ARPP21: variants seen among roughly 807,000 people sequenced by gnomAD.
ARPP21 encodes cAMP-regulated phosphoprotein 21.
A neutral mutation model predicts 113.2 loss-of-function variants in ARPP21; 69 were observed. The ratio of observed to expected loss-of-function variants is 0.61; its 90% CI spans 0.50 to 0.74. The LOEUF (loss-of-function observed/expected upper bound fraction) is 0.74, where lower values mean the gene tolerates loss of function less well. Among genes scored for constraint, ARPP21 ranks in the 30% least tolerant of loss-of-function variants. The pLI is 0.00. For missense variants in ARPP21, 1,070 were observed against 1,037.4 expected, an observed-to-expected ratio of 1.03 and a Z score of -0.43; for synonymous variants, 368 against 375.5, an observed-to-expected ratio of 0.98 and a Z score of 0.23.
intron 19 of ARPP21, among the ~76,000 whole-genome samples, chr3:35,744,830 A>G (rs2094918372): frequency 6.6e-6 from 1 of 152,240 alleles, no homozygotes; most frequent in African/African-American, 2.4e-5. Flanking sequence ...ATGTATACAG[A>G]TACATGTATG....
At chr3:35,655,847 A>G (rs1375376804) in intron 1 of ARPP21, among the ~76,000 whole-genome samples, 1 of 152,046 alleles carries the variant, frequency 6.6e-6, no homozygotes, top group Non-Finnish European at 1.5e-5. Flanking sequence ...TTATTGAAAT[A>G]CAGAATTTTT....
At chr3:35,687,948 C>G in intron 6 of ARPP21, 65 bp downstream of exon 6, 2 of 1,447,590 alleles carry the variant, frequency 1.4e-6, no homozygotes, top group Non-Finnish European at 1.9e-6. Context: ...AGAACACATT[C>G]TAGATTTCAC....
At chr3:35,664,938 CCTG>C (rs1190538340) in intron 1 of ARPP21, among the ~76,000 whole-genome samples, 9 of 152,242 alleles carry the variant, frequency 5.9e-5, no homozygotes, top group African/African-American at 2.2e-4. Flanking sequence ...ACTTAGCCCA[CCTG>C]CTATTTTGTG....
intron 1 of ARPP21, among the ~76,000 whole-genome samples, chr3:35,665,421 G>A (rs1559541937): frequency 6.6e-6 from 1 of 152,094 alleles, no homozygotes; most frequent in Non-Finnish European, 1.5e-5. Context: ...GGAAAGTTCT[G>A]AGCAAAGTGC....
At chr3:35,649,626 G>C (rs1448675154) in intron 1 of ARPP21, among the ~76,000 whole-genome samples, 1 of 152,128 alleles carries the variant, frequency 6.6e-6, no homozygotes, top group Non-Finnish European at 1.5e-5. Flanking sequence ...CTCCTCCAAA[G>C]AACTAAGCAA....
intron 1 of ARPP21, among the ~76,000 whole-genome samples, chr3:35,677,572 C>T (rs1260130894): frequency 6.6e-6 from 1 of 151,814 alleles, no homozygotes; most frequent in Non-Finnish European, 1.5e-5. Context: ...ACAACCTTCT[C>T]TAAATGCTAC....
intron 1 of ARPP21, among the ~76,000 whole-genome samples, chr3:35,663,716 G>T (rs968573089): frequency 2.0e-5 from 3 of 152,076 alleles, no homozygotes; most frequent in Non-Finnish European, 4.4e-5. Context: ...ACGGTTCTGG[G>T]AAGTGGCACG....
At chr3:35,707,153 C>G (rs1576102797) in intron 10 of ARPP21, 71 bp downstream of exon 10, 1 of 1,191,392 alleles carries the variant, frequency 8.4e-7, no homozygotes, top group East Asian at 2.4e-5. Context: ...TTCATGTCGT[C>G]CCTCTGTTGT....
intron 10 of ARPP21, 143 bp downstream of exon 10, chr3:35,707,225 C>T: frequency 1.5e-6 from 1 of 662,336 alleles, no homozygotes; most frequent in South Asian, 1.8e-5. Flanking sequence ...CAACCTCCTT[C>T]TCCTCCTTCC....
At chr3:35,666,066 A>C (rs2074291637) in intron 1 of ARPP21, among the ~76,000 whole-genome samples, 1 of 152,098 alleles carries the variant, frequency 6.6e-6, no homozygotes, top group Admixed American at 6.6e-5. Context: ...GAGCTGATTA[A>C]AAGTGGCAAA....
At chr3:35,709,103 G>A (rs369899956) in intron 11 of ARPP21, 33 bp downstream of exon 11, 36 of 1,453,224 alleles carry the variant, frequency 2.5e-5, no homozygotes, top group African/African-American at 1.8e-4. Context: ...TCTTTAGTGC[G>A]CTCCTTCCAA....
At chr3:35,744,088 A>G in intron 19 of ARPP21, 123 bp downstream of exon 19, 1 of 1,021,030 alleles carries the variant, frequency 9.8e-7, no homozygotes, top group South Asian at 1.5e-5. Flanking sequence ...TACCCAGAGA[A>G]GATAACAAAG....
chr3:35,717,468 G>A, intron 13 of ARPP21, 111 bp downstream of exon 13: 3 of 706,098 alleles, frequency 4.2e-6, no homozygotes, highest in Non-Finnish European at 7.5e-6. Flanking sequence ...AAAAAAGTCT[G>A]GTTATCTCTT....
At chr3:35,689,618 C>T (rs925469686) in intron 7 of ARPP21, among the ~76,000 whole-genome samples, 1 of 151,444 alleles carries the variant, frequency 6.6e-6, no homozygotes, top group African/African-American at 2.4e-5. Context: ...AACAGTTCTG[C>T]TTTTCAGATC....
At chr3:35,665,284 A>AAGCTTTT (rs2074043592) in intron 1 of ARPP21, among the ~76,000 whole-genome samples, 1 of 152,042 alleles carries the variant, frequency 6.6e-6, no homozygotes, top group Admixed American at 6.6e-5. Flanking sequence ...CCCTTGGCCT[A>AAGCTTTT]AGCTTTTTTT....
Position 35,676,642 on chromosome 3 carries a change from T to C in ARPP21, c.-212-3145T>C, listed in dbSNP as rs1575698462. On this transcript the variant is annotated intron_variant, in intron 1 of 20. Transcript: ENST00000684406. ...TCTTATACACTATTGAACGATTGCA[T>C]TTTGGGTGTGTAATTAATGTGAAAA... 2.6e-5 allele frequency among the ~76,000 whole-genome samples: 4 copies of C among 151,868 alleles called. No homozygotes were observed. The South Asian group carries it at 8.3e-4, about 31-fold the overall frequency.
chr3:35,645,959 C>G (rs552514356), intron 1 of ARPP21, among the ~76,000 whole-genome samples: 1 of 152,026 alleles, frequency 6.6e-6, no homozygotes, highest in East Asian at 1.9e-4. Context: ...CTTTAAAGAA[C>G]AAAATTGAAC....
intron 1 of ARPP21, among the ~76,000 whole-genome samples, chr3:35,673,591 T>C (rs947901188): frequency 2.6e-5 from 4 of 152,014 alleles, no homozygotes; most frequent in African/African-American, 9.7e-5. Flanking sequence ...AATGGAAACA[T>C]CTTATTTTCC....
At chr3:35,756,817 G>T (rs1248297164) in intron 19 of ARPP21, among the ~76,000 whole-genome samples, 2 of 152,140 alleles carry the variant, frequency 1.3e-5, no homozygotes, top group African/African-American at 4.8e-5. Flanking sequence ...AGAAGGTCCA[G>T]ATTAAAACCA....
Sources: allele counts gnomAD v4.1 joint callset (sites outside exome capture counted in the v4.1 genomes callset), GRCh38; gene constraint gnomAD v4.1.1; transcripts MANE v1.5; gene names NCBI Gene and HGNC (gene_info 2026-07-23, HGNC 2026-07-21).